KDM6A: variants seen among roughly 807,000 people sequenced by gnomAD.
The protein encoded by KDM6A is lysine demethylase 6A, also known as lysine-specific demethylase 6A.
Under a neutral mutation model 117.6 loss-of-function variants are expected in KDM6A, and 11 were observed. The observed-to-expected ratio is 0.09, with a 90% CI of 0.06 to 0.15. KDM6A has a LOEUF of 0.15. KDM6A is among the 10% of genes least tolerant of loss of function. The pLI, the probability that KDM6A is intolerant of heterozygous loss-of-function variation, is 1.00. For missense variants in KDM6A, 799 were observed against 1,077.3 expected, an observed-to-expected ratio of 0.74 and a Z score of 3.62; for synonymous variants, 384 against 396.1, an observed-to-expected ratio of 0.97 and a Z score of 0.36.
At chrX:45,107,314 C>A in intron 27 of KDM6A, 96 bp from the exon 28 acceptor site, 1 of 838,591 alleles carries the variant, frequency 1.2e-6, no homozygotes, top group Non-Finnish European at 1.8e-6. Context: ...ACATTAGAAT[C>A]AAGTCTCTTG....
intron 8 of KDM6A, 111 bp from the exon 9 acceptor site, chrX:45,051,598 T>C (rs949047198): frequency 4.3e-6 from 2 of 470,252 alleles, no homozygotes; most frequent in Admixed American, 4.1e-5. Flanking sequence ...CTTTTTTCTT[T>C]TAGTTTTAAA....
In KDM6A at chrX:45,005,383, G is replaced by A. The variant is rs186337439; in HGVS notation, c.385-5578G>A. On this transcript the variant is annotated intron_variant, in intron 4 of 29. Coordinates refer to ENST00000611820, the MANE Select transcript of KDM6A (RefSeq NM_001291415.2). ...GGCTCCTCTGACTTTTCATTTTGAGGTGCCAGATTGGGTTCTTCCCTATTT... is the reference window on the plus strand; with the variant it reads ...GGCTCCTCTGACTTTTCATTTTGAGATGCCAGATTGGGTTCTTCCCTATTT... 4.5e-5 allele frequency among the ~76,000 whole-genome samples: 5 copies of A among 110,902 alleles called. No individual in the cohort carries two copies. In the East Asian group the frequency reaches 1.1e-3, roughly 25 times the overall value.
chrX:45,003,836 T>C (rs1410248371), intron 4 of KDM6A, among the ~76,000 whole-genome samples: 1 of 105,929 alleles, frequency 9.4e-6, no homozygotes, highest in African/African-American at 3.5e-5. Flanking sequence ...TGCCTTTTTT[T>C]CCTCTCTCCC....
At chrX:44,922,418 T>C (rs992183198) in intron 2 of KDM6A, among the ~76,000 whole-genome samples, 1 of 111,413 alleles carries the variant, frequency 9.0e-6, no homozygotes, top group African/African-American at 3.3e-5. Flanking sequence ...CATCTGTATA[T>C]TTTATTCAGT....
chrX:45,059,887 T>G (rs2044229570), intron 12 of KDM6A, 135 bp from the exon 13 acceptor site: 8 of 926,368 alleles, frequency 8.6e-6, no homozygotes, highest in African/African-American at 2.0e-5. Flanking sequence ...TTATACTTAG[T>G]GTCTTCTAAA....
At chrX:44,994,810 A>T (rs1451901188) in intron 4 of KDM6A, among the ~76,000 whole-genome samples, 2 of 111,096 alleles carry the variant, frequency 1.8e-5, no homozygotes, top group African/African-American at 3.3e-5. Context: ...CACAGGCTAA[A>T]CTAATTCTGA....
intron 4 of KDM6A, among the ~76,000 whole-genome samples, chrX:45,007,503 G>C: frequency 9.0e-6 from 1 of 111,613 alleles, no homozygotes; most frequent in South Asian, 3.7e-4. Context: ...GCTTACAAAC[G>C]TGTCTTGAAC....
chrX:45,034,820 C>T, intron 6 of KDM6A, 111 bp from the exon 7 acceptor site: 2 of 596,657 alleles, frequency 3.4e-6, no homozygotes, highest in Non-Finnish European at 5.8e-6. Context: ...ATTTTATTTG[C>T]ATAGCATGTA....
chrX:45,012,392 G>A (rs2041807506), intron 5 of KDM6A, among the ~76,000 whole-genome samples: 1 of 108,612 alleles, frequency 9.2e-6, no homozygotes, highest in African/African-American at 3.4e-5. Flanking sequence ...TAGTAGAGAC[G>A]GAGTTTTACC....
rs112279380 is a variant in KDM6A at position 45,082,294 on chromosome X, G to A, written c.3301-282G>A. The A allele has an allele frequency of 4.0e-3, 1,220 of 302,455 alleles. 11 individuals are homozygous for A. Among genetic ancestry groups the A allele is most frequent in the African/African-American group, 0.03 (1,110 of 36,935 alleles). The allele number at this position is 302,455 out of a possible 1,213,427, so 24.9% of individuals were successfully genotyped here. On this transcript the variant is annotated intron_variant, in intron 21 of 29. Transcript: ENST00000611820. The stretch of plus-strand genomic sequence containing the variant: ...CCAAAAATACAAAAATTAGCTGGGC[G>A]TGGTCATGCGCACCTAATAGTCCCA...
At chrX:45,038,413 CATT>C (rs1442981942) in intron 8 of KDM6A, among the ~76,000 whole-genome samples, 1 of 110,880 alleles carries the variant, frequency 9.0e-6, no homozygotes, top group Non-Finnish European at 1.9e-5. Flanking sequence ...TTCTATGTGT[CATT>C]ATTGGAAAGG....
chrX:45,106,920 C>T (rs1220200974), intron 27 of KDM6A: 3 of 191,379 alleles, frequency 1.6e-5, no homozygotes, highest in African/African-American at 3.1e-5. Context: ...TGCTTATAGA[C>T]TTGAGTTTCA....
intron 2 of KDM6A, among the ~76,000 whole-genome samples, chrX:44,893,001 T>TAAAAAA (rs35013547): frequency 2.0e-5 from 1 of 50,243 alleles, no homozygotes; most frequent in Non-Finnish European, 3.5e-5. Flanking sequence ...AGACTCCATC[T>TAAAAAA]AAAAAAAAAA....
intron 3 of KDM6A, among the ~76,000 whole-genome samples, chrX:44,968,678 A>G (rs967828611): frequency 8.9e-6 from 1 of 112,140 alleles, no homozygotes; most frequent in African/African-American, 3.2e-5. Context: ...TTGATTAGAA[A>G]ATCAGGTAGC....
intron 2 of KDM6A, among the ~76,000 whole-genome samples, chrX:44,895,469 T>A (rs768735421): frequency 9.4e-6 from 1 of 106,313 alleles, no homozygotes; most frequent in Non-Finnish European, 1.9e-5. Flanking sequence ...TTTTTTTTTT[T>A]TTTTTATTCT....
In KDM6A at chrX:44,988,122, T is replaced by TC. The variant is rs1352211037; in HGVS notation, c.384+13408dup. Among the ~76,000 whole-genome samples, 4 of 111,911 alleles carry TC rather than the reference T, an allele frequency of 3.6e-5. No individual in the cohort carries two copies. The East Asian group carries it at 1.1e-3, about 31-fold the overall frequency. ...TTGTTCGTTTCTTTTTATTCTTTTT[T>TC]CTCTAAACTTCTCTTCTCACTTCAT... On this transcript the variant is annotated intron_variant, in intron 4 of 29. Coordinates refer to ENST00000611820, the MANE Select transcript of KDM6A (RefSeq NM_001291415.2).
At chrX:45,048,917 A>T (rs2043708248) in intron 8 of KDM6A, among the ~76,000 whole-genome samples, 1 of 108,640 alleles carries the variant, frequency 9.2e-6, no homozygotes, top group East Asian at 2.8e-4. Context: ...ATAATTGCTA[A>T]TTAATGTACT....
intron 2 of KDM6A, among the ~76,000 whole-genome samples, chrX:44,902,959 A>AG: frequency 9.0e-6 from 1 of 111,526 alleles, no homozygotes; most frequent in Non-Finnish European, 1.9e-5. Context: ...CCCATTCATG[A>AG]GGGCTTTGCT....
chrX:44,972,047 G>A (rs1192260818), intron 3 of KDM6A, among the ~76,000 whole-genome samples: 2 of 110,507 alleles, frequency 1.8e-5, no homozygotes, highest in Non-Finnish European at 1.9e-5. Flanking sequence ...AGCTTTTTTG[G>A]GGCGGTTTGT....
Sources: gnomAD v4.1 joint callset for allele counts (sites outside exome capture counted in the v4.1 genomes callset) on GRCh38, gnomAD v4.1.1 for gene constraint, MANE v1.5 for transcripts, NCBI Gene and HGNC (gene_info 2026-07-23, HGNC 2026-07-21) for gene names.